Variants in ATF7IP2 observed in about 807,000 individuals in gnomAD.
The protein encoded by ATF7IP2 is activating transcription factor 7 interacting protein 2, also known as activating transcription factor 7-interacting protein 2.
ATF7IP2 carries 42 observed loss-of-function variants against 64.2 expected under a neutral mutation model. The ratio of observed to expected loss-of-function variants is 0.65; its 90% confidence interval spans 0.51 to 0.85. The LOEUF (loss-of-function observed/expected upper bound fraction) is 0.85. ATF7IP2 is among the 40% of genes least tolerant of loss of function. ATF7IP2 has a pLI of 0.00. For synonymous variants in ATF7IP2, 308 were observed against 272.8 expected (o/e 1.13, Z -1.27); for missense variants, 933 against 784.2 (o/e 1.19, Z -2.27).
intron 1 of ATF7IP2, among the ~76,000 whole-genome samples, chr16:10,390,038 A>T (rs1207118931): frequency 6.6e-6 from 1 of 152,244 alleles, no homozygotes; most frequent in Non-Finnish European, 1.5e-5. Flanking sequence ...GATTAGTTAA[A>T]TGGGTTTTTT....
chr16:10,482,257 TTAA>T lies in ATF7IP2; in HGVS notation c.*13_*15del. On this transcript the variant is annotated 3_prime_UTR_variant, in exon 14 of 14. Transcript: ENST00000562102. ...TCTGAAAATCTTACGTAAAAGGTGT[TTAA>T]TAATGATATACTACTTTTTTTTTCA... 1 of 1,539,126 alleles carries T rather than the reference TTAA, an allele frequency of 6.5e-7. No homozygotes were observed.
chr16:10,471,841 T>A (rs892247409), intron 9 of ATF7IP2: 5 of 247,920 alleles, frequency 2.0e-5, no homozygotes, highest in Non-Finnish European at 3.9e-5. Context: ...CATTGTATAC[T>A]TATATATATT....
At chr16:10,418,166 C>T (rs1274699171) in intron 2 of ATF7IP2, among the ~76,000 whole-genome samples, 2 of 152,210 alleles carry the variant, frequency 1.3e-5, no homozygotes, top group East Asian at 3.8e-4. Flanking sequence ...GGGATGGGCT[C>T]TGGCTAGTTA....
chr16:10,438,463 T>A (rs1314011365), intron 7 of ATF7IP2, among the ~76,000 whole-genome samples: 1 of 151,174 alleles, frequency 6.6e-6, no homozygotes, highest in African/African-American at 2.4e-5. Context: ...ATGTTGCCCA[T>A]GCTTCCCTCA....
intron 8 of ATF7IP2, among the ~76,000 whole-genome samples, chr16:10,452,106 G>C (rs2049004361): frequency 6.6e-6 from 1 of 152,010 alleles, no homozygotes; most frequent in Admixed American, 6.6e-5. Flanking sequence ...CCCACCTTCT[G>C]AAGCCTACTT....
chr16:10,480,776 A>T, intron 12 of ATF7IP2, 103 bp from the exon 13 acceptor site: 1 of 805,712 alleles, frequency 1.2e-6, no homozygotes, highest in Non-Finnish European at 2.1e-6. Flanking sequence ...TTATAATTTT[A>T]ATTCACATTT....
chr16:10,450,175 T>G (rs2048939224), intron 8 of ATF7IP2, among the ~76,000 whole-genome samples: 1 of 152,222 alleles, frequency 6.6e-6, no homozygotes, highest in Non-Finnish European at 1.5e-5. Flanking sequence ...TGCACTGTGG[T>G]CTGAGAGACT....
intron 3 of ATF7IP2, among the ~76,000 whole-genome samples, chr16:10,427,402 ACT>A (rs922349554): frequency 6.6e-6 from 1 of 152,160 alleles, no homozygotes; most frequent in Non-Finnish European, 1.5e-5. Context: ...CTCAGTGGTA[ACT>A]CTTACGTATT....
intron 13 of ATF7IP2, 98 bp from the exon 14 acceptor site, chr16:10,481,738 A>G: frequency 9.3e-7 from 1 of 1,073,642 alleles, no homozygotes; most frequent in East Asian, 2.6e-5. Context: ...ATATCCTTTT[A>G]TTATTTTGAT....
intron 6 of ATF7IP2, 62 bp downstream of exon 6, chr16:10,433,711 A>G (rs1039424608): frequency 1.6e-5 from 25 of 1,566,040 alleles, no homozygotes; most frequent in Non-Finnish European, 2.0e-5. Context: ...GTAAAAGTTA[A>G]TTATCTGGTC....
At chr16:10,476,123 G>C (rs1417021782) in intron 12 of ATF7IP2, among the ~76,000 whole-genome samples, 2 of 152,186 alleles carry the variant, frequency 1.3e-5, no homozygotes, top group Non-Finnish European at 2.9e-5. Context: ...GTTTGTATTA[G>C]TTCTTAACCT....
At chr16:10,404,351 C>T (rs1252635560) in intron 1 of ATF7IP2, among the ~76,000 whole-genome samples, 1 of 152,188 alleles carries the variant, frequency 6.6e-6, no homozygotes, top group African/African-American at 2.4e-5. Flanking sequence ...CTCCCAGGTT[C>T]AAGCGATTCT....
At chr16:10,457,806 G>T (rs1320973576) in intron 9 of ATF7IP2, among the ~76,000 whole-genome samples, 1 of 152,024 alleles carries the variant, frequency 6.6e-6, no homozygotes, top group Non-Finnish European at 1.5e-5. Flanking sequence ...TCCTTCCTGG[G>T]CTCAAGTGAT....
intron 13 of ATF7IP2, 131 bp from the exon 14 acceptor site, chr16:10,481,705 A>G: frequency 2.6e-6 from 2 of 766,960 alleles, no homozygotes. Flanking sequence ...AAAGGACTGG[A>G]TCCAGCCTCA....
chr16:10,438,980 G>A (rs1197084486), intron 7 of ATF7IP2, among the ~76,000 whole-genome samples: 1 of 149,666 alleles, frequency 6.7e-6, no homozygotes, highest in Non-Finnish European at 1.5e-5. Context: ...TTGAACCAAG[G>A]AGGCAGATAT....
chr16:10,394,022 C>G, intron 1 of ATF7IP2, among the ~76,000 whole-genome samples: 1 of 152,100 alleles, frequency 6.6e-6, no homozygotes. Context: ...ATAGAGAGAC[C>G]TATCTCTAAA....
intron 1 of ATF7IP2, among the ~76,000 whole-genome samples, chr16:10,398,609 A>T (rs888240990): frequency 2.6e-5 from 4 of 152,198 alleles, no homozygotes; most frequent in Admixed American, 2.0e-4. Flanking sequence ...ATGATGGAAT[A>T]CCATTTTGCC....
intron 1 of ATF7IP2, among the ~76,000 whole-genome samples, chr16:10,407,815 A>G (rs546830864): frequency 2.0e-5 from 3 of 151,856 alleles, no homozygotes; most frequent in African/African-American, 7.2e-5. Context: ...CCCATAGTTC[A>G]TTGTATCATT....
In ATF7IP2 at chr16:10,480,081, C is replaced by A. The variant is rs900275900; in HGVS notation, c.1550-798C>A. Among the ~76,000 whole-genome samples, 5 of 145,738 alleles carry A rather than the reference C, an allele frequency of 3.4e-5. No homozygotes were observed. In the South Asian group the frequency reaches 8.8e-4, roughly 26 times the overall value. On this transcript the variant is annotated intron_variant, in intron 12 of 13. Coordinates refer to ENST00000562102, the MANE Select transcript of ATF7IP2 (RefSeq NM_001393719.1). ...TTGGCTCACTTCAACCTCCACCTCC[C>A]GGGTTTAAGCAATTCTCTGTCTCAG...
Sources: allele counts gnomAD v4.1 joint callset (sites outside exome capture counted in the v4.1 genomes callset), GRCh38; gene constraint gnomAD v4.1.1; transcripts MANE v1.5; gene names NCBI Gene and HGNC (gene_info 2026-07-23, HGNC 2026-07-21).